Variants in ARID1B observed in about 807,000 individuals in gnomAD.
ARID1B encodes AT-rich interactive domain-containing protein 1B.
In ARID1B, 30 loss-of-function variants were observed where a neutral mutation model predicts 212.3. That is an observed-to-expected ratio of 0.14 (90% CI 0.11 to 0.19). The LOEUF is 0.19. ARID1B is among the 10% of genes least tolerant of loss of function. The probability of loss-of-function intolerance (pLI) is 1.00; values close to 1 mark genes in which losing one functional copy is unlikely to be tolerated. For synonymous variants in ARID1B, 1,402 were observed against 1,301.7 expected (o/e 1.08, Z -1.66); for missense variants, 2,891 against 3,204.0 (o/e 0.90, Z 2.36).
intron 3 of ARID1B, among the ~76,000 whole-genome samples, chr6:156,905,289 T>C (rs1789285899): frequency 1.0e-5 from 1 of 97,996 alleles, no homozygotes; most frequent in Non-Finnish European, 2.1e-5. Context: ...CACAGATTTA[T>C]TATAAGGAAT....
At chr6:157,173,952 TAC>T in intron 9 of ARID1B, 54 bp from the exon 10 acceptor site, 1 of 1,474,822 alleles carries the variant, frequency 6.8e-7, no homozygotes, top group Non-Finnish European at 9.5e-7. Flanking sequence ...TTGGCAGGAG[TAC>T]AGTCTGACGA....
intron 4 of ARID1B, among the ~76,000 whole-genome samples, chr6:157,039,051 A>G (rs574262506): frequency 1.5e-4 from 23 of 151,816 alleles, no homozygotes; most frequent in Non-Finnish European, 2.8e-4. Flanking sequence ...CTAATTTTTT[A>G]TAAAAATGCA....
intron 7 of ARID1B, chr6:157,140,963 T>C (rs1490063412): frequency 1.7e-5 from 5 of 294,978 alleles, no homozygotes; most frequent in Non-Finnish European, 3.1e-5. Context: ...TAAGCTCTTG[T>C]CTTCATTCAC....
chr6:156,890,882 TTTG>T (rs997755772), intron 2 of ARID1B, among the ~76,000 whole-genome samples: 10 of 152,238 alleles, frequency 6.6e-5, no homozygotes, highest in East Asian at 5.8e-4. Context: ...TTGTGGAGTT[TTTG>T]TTGTTGTTGT....
At chr6:157,024,547 A>C (rs1019861263) in intron 4 of ARID1B, 3 of 152,220 alleles carry the variant, frequency 2.0e-5, no homozygotes, top group African/African-American at 7.2e-5. Context: ...AGATCACTTG[A>C]GGTCAGGAGT....
At chr6:157,161,431 G>GTGTGTGTATATATATATATATATATA (rs540423195) in intron 8 of ARID1B, among the ~76,000 whole-genome samples, 45 of 139,376 alleles carry the variant, frequency 3.2e-4, no homozygotes, top group African/African-American at 1.3e-3. Flanking sequence ...TTGTGTGTGT[G>GTGTGTGTATATATATATATATATATA]TATATATATA....
chr6:156,876,578 C>T (rs913002851), intron 2 of ARID1B, among the ~76,000 whole-genome samples: 3 of 152,230 alleles, frequency 2.0e-5, no homozygotes, highest in Non-Finnish European at 4.4e-5. Flanking sequence ...ACTGCTCAAT[C>T]TCTTAAGTTG....
chr6:156,910,003 C>T (rs531329906), intron 3 of ARID1B, among the ~76,000 whole-genome samples: 1 of 152,334 alleles, frequency 6.6e-6, no homozygotes, highest in Admixed American at 6.5e-5. Flanking sequence ...CATTGGTGAG[C>T]ACAACACATG....
intron 2 of ARID1B, among the ~76,000 whole-genome samples, chr6:156,868,718 T>C (rs1303053306): frequency 1.3e-5 from 2 of 152,192 alleles, no homozygotes; most frequent in African/African-American, 4.8e-5. Context: ...TTTCAACATA[T>C]GAATTTTGGA....
intron 1 of ARID1B, among the ~76,000 whole-genome samples, chr6:156,822,688 A>G (rs1782439795): frequency 6.6e-6 from 1 of 152,074 alleles, no homozygotes; most frequent in African/African-American, 2.4e-5. Flanking sequence ...CAGTATTATC[A>G]TTGTCTTTAC....
intron 3 of ARID1B, among the ~76,000 whole-genome samples, chr6:156,921,301 A>C (rs1484350367): frequency 6.6e-6 from 1 of 152,010 alleles, no homozygotes; most frequent in Non-Finnish European, 1.5e-5. Flanking sequence ...TAAATAAATA[A>C]ATTTTATTTT....
intron 11 of ARID1B, among the ~76,000 whole-genome samples, chr6:157,176,232 AGCGCTTCTAGGATGGGTATAGCAGACAGT>A (rs745332856): frequency 1.3e-5 from 2 of 152,166 alleles, no homozygotes; most frequent in Non-Finnish European, 2.9e-5. Flanking sequence ...TGAAAGAGAA[AGCGCTTCTAGGATGGGTATAGCAGACAGT>A]GCGCTTCTAG....
At chr6:156,934,640 T>C (rs1436322011) in intron 3 of ARID1B, among the ~76,000 whole-genome samples, 1 of 152,052 alleles carries the variant, frequency 6.6e-6, no homozygotes. Flanking sequence ...TACGCTGTTA[T>C]GTGGGTAATT....
chr6:157,088,795 C>T (rs949247880), intron 5 of ARID1B, among the ~76,000 whole-genome samples: 2 of 152,138 alleles, frequency 1.3e-5, no homozygotes, highest in Non-Finnish European at 2.9e-5. Context: ...ACATCAGATC[C>T]CAAGTTCATA....
rs199836024 is a variant in ARID1B, at chr6:156,817,205, G to C, written c.1792-12022G>C. Among the ~76,000 whole-genome samples, 3 of 151,768 alleles carry C rather than the reference G, an allele frequency of 2.0e-5. No homozygotes were observed. In the East Asian group the frequency reaches 5.8e-4, roughly 29 times the overall value. ...TTCAGACCAGCCTGGGCAAAACCCTGTCTCTACTAAAAATACAAAAAAAAA... is the reference window on the plus strand; with the variant it reads ...TTCAGACCAGCCTGGGCAAAACCCTCTCTCTACTAAAAATACAAAAAAAAA... On this transcript the variant is annotated intron_variant, in intron 1 of 19. Transcript: ENST00000636930.
intron 6 of ARID1B, among the ~76,000 whole-genome samples, chr6:157,132,215 G>A (rs1026499947): frequency 1.7e-4 from 26 of 152,278 alleles, no homozygotes; most frequent in African/African-American, 4.8e-4. Context: ...GATCTATGTC[G>A]GAGCGGAGTC....
intron 2 of ARID1B, among the ~76,000 whole-genome samples, chr6:156,866,210 T>C (rs925374036): frequency 6.6e-6 from 1 of 152,178 alleles, no homozygotes; most frequent in Non-Finnish European, 1.5e-5. Context: ...GATACTGCTG[T>C]GGTACTTCTG....
chr6:156,897,252 C>CTA (rs1788526941), intron 2 of ARID1B, among the ~76,000 whole-genome samples: 5 of 96,832 alleles, frequency 5.2e-5, no homozygotes, highest in African/African-American at 1.1e-4. Flanking sequence ...TCTTCTTCTT[C>CTA]TTCTTCTTCT....
intron 5 of ARID1B, among the ~76,000 whole-genome samples, chr6:157,089,738 T>G (rs933371421): frequency 1.3e-5 from 2 of 152,182 alleles, no homozygotes; most frequent in African/African-American, 4.8e-5. Context: ...GAGACAGAAA[T>G]GAAATAGCTC....
Sources: gnomAD v4.1 joint callset for allele counts (sites outside exome capture counted in the v4.1 genomes callset) on GRCh38, gnomAD v4.1.1 for gene constraint, MANE v1.5 for transcripts, NCBI Gene and HGNC (gene_info 2026-07-23, HGNC 2026-07-21) for gene names.